The following ENDOD1 variants were observed in gnomAD, a reference collection of about 807,000 sequenced individuals.
The protein encoded by ENDOD1 is endonuclease domain-containing 1 protein.
In ENDOD1, 9 loss-of-function variants were observed where a neutral mutation model predicts 6.5. The ratio of observed to expected loss-of-function variants is 1.39; its 90% CI spans 0.84 to 2.43. The LOEUF (loss-of-function observed/expected upper bound fraction) is 2.43, where lower values mean the gene tolerates loss of function less well. Among genes scored for constraint, ENDOD1 ranks in the 30% most tolerant of loss-of-function variants. The pLI, the probability that ENDOD1 is intolerant of heterozygous loss-of-function variation, is 0.00. For synonymous variants in ENDOD1, 255 were observed against 255.2 expected, an observed-to-expected ratio of 1.00 and a Z score of 0.01; for missense variants, 648 against 635.5, an observed-to-expected ratio of 1.02 and a Z score of -0.21.
rs1266779203 is a variant in ENDOD1, at chr11:95,129,590, C to T, written c.*11C>T. ...TCTGGGGAGTTATAAACTCAAAAAA[C>T]TAATAGTATCCAGTCACAGTGAATT... is the stretch of plus-strand genomic sequence containing the variant. On this transcript the variant is annotated 3_prime_UTR_variant, in exon 2 of 2. Coordinates refer to ENST00000278505, the MANE Select transcript of ENDOD1 (RefSeq NM_015036.3). 6.2e-7 allele frequency: 1 copy of T among 1,601,090 alleles called. No homozygotes were observed. Among genetic ancestry groups the T allele is most frequent in the Non-Finnish European group, 8.5e-7 (1 of 1,172,676 alleles).
At chr11:95,092,515 T>C (rs558998258) in intron 1 of ENDOD1, among the ~76,000 whole-genome samples, 12 of 152,222 alleles carry the variant, frequency 7.9e-5, no homozygotes, top group African/African-American at 2.6e-4. Flanking sequence ...AAATGGCAGC[T>C]TGAGAGGTAA....
intron 1 of ENDOD1, among the ~76,000 whole-genome samples, chr11:95,124,116 TTAAAAGA>T (rs1859288931): frequency 1.3e-5 from 2 of 151,352 alleles, no homozygotes; most frequent in South Asian, 2.1e-4. Flanking sequence ...GTCTAAACTA[TTAAAAGA>T]TAAAAAAGGA....
At chr11:95,099,945 G>A (rs1859021892) in intron 1 of ENDOD1, among the ~76,000 whole-genome samples, 1 of 152,172 alleles carries the variant, frequency 6.6e-6, no homozygotes, top group African/African-American at 2.4e-5. Context: ...TACGGTTGAT[G>A]TTTCTGAAAG....
In ENDOD1 at chr11:95,129,675, A is replaced by G. The variant is rs1231920415; in HGVS notation, c.*96A>G. ...TCTGTTCACTGTCAGTTATCATTAT[A>G]TTTTGGCCTTTGGTGGGGATGTCTG... On this transcript the variant is annotated 3_prime_UTR_variant, in exon 2 of 2. Transcript: ENST00000278505. The G allele has an allele frequency of 2.8e-6, 4 of 1,429,910 alleles. No homozygotes were observed. The African/African-American group carries it at 4.3e-5, about 15-fold the overall frequency. 88.6% of individuals were successfully genotyped at this position (1,429,910 alleles called of 1,614,324 possible). A position where few individuals can be genotyped will look rare whatever the true frequency, so the allele number is the denominator to read the frequency against.
intron 1 of ENDOD1, among the ~76,000 whole-genome samples, chr11:95,106,399 G>T (rs1365653231): frequency 2.6e-5 from 4 of 152,190 alleles, no homozygotes; most frequent in Non-Finnish European, 4.4e-5. Flanking sequence ...TGAGTGGGGG[G>T]ATTGACCTAT....
At chr11:95,113,868 C>A (rs563417511) in intron 1 of ENDOD1, among the ~76,000 whole-genome samples, 1 of 152,264 alleles carries the variant, frequency 6.6e-6, no homozygotes, top group African/African-American at 2.4e-5. Context: ...AGTGGTTGTA[C>A]TAATTTACTT....
chr11:95,103,213 T>A (rs1263106647), intron 1 of ENDOD1, among the ~76,000 whole-genome samples: 1 of 151,984 alleles, frequency 6.6e-6, no homozygotes, highest in Non-Finnish European at 1.5e-5. Context: ...GAGTTTATCA[T>A]GACTTTGTTC....
Position 95,090,134 on chromosome 11 carries a change from C to G in ENDOD1, c.207C>G (p.Tyr69Ter). ...GTGCTGAGCGCTTCGCCACCCTCTA[C>G]AGCACCCGGGACCGCATCCCCGTGT... The part of the protein sequence containing the change: ...AEGAERFATL[Y>*]STRDRIPVYS... Residue 69 changes from tyrosine (Y) to a stop codon, truncating the protein, a stop_gained, in exon 1 of 2, where the codon TAC becomes TAG. Transcript: ENST00000278505. LOFTEE classifies it high-confidence loss of function. 9.7e-6 allele frequency: 15 copies of G among 1,542,246 alleles called. No homozygotes were observed. The highest frequency in any genetic ancestry group is 1.3e-5 in the Non-Finnish European group (15 of 1,145,134).
chr11:95,116,306 G>A (rs1277372110), intron 1 of ENDOD1, among the ~76,000 whole-genome samples: 1 of 152,092 alleles, frequency 6.6e-6, no homozygotes, highest in Non-Finnish European at 1.5e-5. Flanking sequence ...ACTCATAGTA[G>A]ATATTTTGAA....
At chr11:95,102,259 A>G (rs1418564509) in intron 1 of ENDOD1, among the ~76,000 whole-genome samples, 1 of 152,190 alleles carries the variant, frequency 6.6e-6, no homozygotes, top group African/African-American at 2.4e-5. Flanking sequence ...AAAGCCCAGG[A>G]GAAAACCCAG....
In ENDOD1 at chr11:95,129,593, A is replaced by C; in HGVS notation, c.*14A>C. 3 of 1,599,484 alleles carry C rather than the reference A, an allele frequency of 1.9e-6. No homozygotes were observed. The highest frequency in any genetic ancestry group is 3.3e-4 in the Middle Eastern group (2 of 5,972). On this transcript the variant is annotated 3_prime_UTR_variant, in exon 2 of 2. Coordinates refer to ENST00000278505, the MANE Select transcript of ENDOD1 (RefSeq NM_015036.3). ...GGGGAGTTATAAACTCAAAAAACTA[A>C]TAGTATCCAGTCACAGTGAATTTGA...
rs1859350254 is a variant in ENDOD1 at position 95,129,570 on chromosome 11, G to A, written c.1494G>A (p.Gly498=). 1 of 1,611,026 alleles carries A rather than the reference G, an allele frequency of 6.2e-7. No individual in the cohort carries two copies. The highest frequency in any genetic ancestry group is 1.7e-5 in the Admixed American group (1 of 59,626). ...IGYKVTFDNS[G]EL is the part of the protein sequence containing the mutation. ...ACAAGGTTACTTTTGACAATTCTGG[G>A]GAGTTATAAACTCAAAAAACTAATA... Residue 498 remains glycine (G), a synonymous_variant, in exon 2 of 2, where the codon GGG becomes GGA. Transcript: ENST00000278505.
At position 95,130,991 on chromosome 11, in the gene ENDOD1, T is replaced by G. The variant is rs997720838; in HGVS notation, c.*1412T>G. The G allele has an allele frequency of 1.3e-5, 2 of 152,194 alleles. No individual in the cohort carries two copies. The highest frequency in any genetic ancestry group is 2.9e-5 in the Non-Finnish European group (2 of 68,044). The allele number at this position is 152,194 out of a possible 1,614,324, so 9.4% of individuals were successfully genotyped here. On this transcript the variant is annotated 3_prime_UTR_variant, in exon 2 of 2. Transcript: ENST00000278505. ...CTACCGCCCAGGATCAATCAGAAAG[T>G]TATATGCAAAAATTCGGGGTCCCAA...
At chr11:95,116,159 A>G (rs1262759670) in intron 1 of ENDOD1, among the ~76,000 whole-genome samples, 1 of 152,022 alleles carries the variant, frequency 6.6e-6, no homozygotes, top group Non-Finnish European at 1.5e-5. Context: ...TATAGCTTCG[A>G]TCTCATTACT....
intron 1 of ENDOD1, among the ~76,000 whole-genome samples, chr11:95,110,574 C>CGTGTGTGT (rs758027047): frequency 0.017 from 2,357 of 138,764 alleles, 38 homozygotes; most frequent in Non-Finnish European, 0.024. Context: ...CTTTCAAGTC[C>CGTGTGTGT]GTGTATGTAT....
At chr11:95,123,215 G>T (rs1240899342) in intron 1 of ENDOD1, among the ~76,000 whole-genome samples, 1 of 150,048 alleles carries the variant, frequency 6.7e-6, no homozygotes, top group Non-Finnish European at 1.5e-5. Context: ...AAAAATAAAA[G>T]GTCCTAGGAT....
Position 95,122,624 on chromosome 11 carries a change from A to ACACC in ENDOD1, c.301-5753_301-5752insCACC, listed in dbSNP as rs1491366974. The stretch of plus-strand genomic sequence containing the variant: ...CACACACACACACACACACACACAC[A>ACACC]GACACTTTAGCATCCCTTCAGAAAA... On this transcript the variant is annotated intron_variant, in intron 1 of 1. Coordinates refer to ENST00000278505, the MANE Select transcript of ENDOD1 (RefSeq NM_015036.3). 1.5e-4 allele frequency among the ~76,000 whole-genome samples: 22 copies of ACACC among 150,390 alleles called. 1 individual carries two copies. Among genetic ancestry groups the ACACC allele is most frequent in the Admixed American group, 1.5e-3 (22 of 15,074 alleles).
chr11:95,119,775 G>A (rs143581124), intron 1 of ENDOD1, among the ~76,000 whole-genome samples: 1 of 152,340 alleles, frequency 6.6e-6, no homozygotes, highest in South Asian at 2.1e-4. Flanking sequence ...CAGGCCCTGG[G>A]CATGTCCAGA....
intron 1 of ENDOD1, among the ~76,000 whole-genome samples, chr11:95,118,339 A>T (rs770793799): frequency 7.9e-5 from 12 of 152,192 alleles, no homozygotes; most frequent in Non-Finnish European, 1.5e-4. Flanking sequence ...TTCTTTCAGG[A>T]CTGGCCTGGT....
Sources: allele counts gnomAD v4.1 joint callset (sites outside exome capture counted in the v4.1 genomes callset), GRCh38; gene constraint gnomAD v4.1.1; transcripts MANE v1.5; gene names NCBI Gene and HGNC (gene_info 2026-07-23, HGNC 2026-07-21).